STS: variants seen among roughly 807,000 people sequenced by gnomAD.
The protein encoded by STS is steryl-sulfatase.
A neutral mutation model predicts 26.8 loss-of-function variants in STS; 7 were observed. That is an observed-to-expected ratio of 0.26 (90% CI 0.15 to 0.49). The LOEUF (loss-of-function observed/expected upper bound fraction) is 0.49. STS is among the 20% of genes least tolerant of loss of function. The probability of loss-of-function intolerance (pLI) is 0.98; values close to 1 mark genes in which losing one functional copy is unlikely to be tolerated. For synonymous variants in STS, 199 were observed against 189.4 expected (o/e 1.05, Z -0.42); for missense variants, 434 against 465.6 (o/e 0.93, Z 0.63).
intron 10 of STS, among the ~76,000 whole-genome samples, 192 bp from the exon 11 acceptor site, chrX:7,349,696 C>T (rs1425517470): frequency 9.0e-6 from 1 of 111,556 alleles, no homozygotes; most frequent in African/African-American, 3.3e-5. Flanking sequence ...GCTGTTCCTG[C>T]TGGCTGTGTG....
chrX:7,169,990 AG>A (rs1933435274), intron 1 of STS, among the ~76,000 whole-genome samples: 1 of 111,394 alleles, frequency 9.0e-6, no homozygotes, highest in South Asian at 3.8e-4. Flanking sequence ...CCTTGTAAAC[AG>A]TGAAGAGAAT....
intron 1 of STS, among the ~76,000 whole-genome samples, chrX:7,151,545 T>C (rs1933011893): frequency 8.9e-6 from 1 of 112,264 alleles, no homozygotes; most frequent in Non-Finnish European, 1.9e-5. Context: ...CCCTTCCCGC[T>C]GCTGCTTTCC....
chrX:7,223,420 A>G (rs1017980463), intron 2 of STS, among the ~76,000 whole-genome samples: 2 of 111,914 alleles, frequency 1.8e-5, no homozygotes, highest in Admixed American at 1.9e-4. Context: ...TTGTTTTTAG[A>G]CTTTTTAATA....
chrX:7,179,764 G>A (rs1270942938), intron 1 of STS, among the ~76,000 whole-genome samples: 2 of 112,008 alleles, frequency 1.8e-5, no homozygotes, highest in Admixed American at 1.9e-4. Context: ...AGGGGCAGAG[G>A]GTGCGGGTGG....
intron 1 of STS, among the ~76,000 whole-genome samples, chrX:7,161,022 C>T (rs1407273722): frequency 9.0e-6 from 1 of 111,556 alleles, no homozygotes; most frequent in Non-Finnish European, 1.9e-5. Flanking sequence ...GTGGTGCGAT[C>T]TCAGCTTACC....
intron 2 of STS, among the ~76,000 whole-genome samples, chrX:7,244,810 C>CT (rs1922789339): frequency 9.0e-6 from 1 of 111,221 alleles, no homozygotes; most frequent in African/African-American, 3.3e-5. Flanking sequence ...CTGAGAAACA[C>CT]TATTAACAAA....
rs539416857 is a variant in STS, at chrX:7,165,717, A to G, written c.-134+17634A>G. ...CTTAATCAGGATTCTCTGCCTTGAT[A>G]CTATTGACATTTGAGGCCAGATCAT... On this transcript the variant is annotated intron_variant, in intron 1 of 10. Transcript: ENST00000674429. Among the ~76,000 whole-genome samples the G allele has an allele frequency of 6.8e-4, 76 of 112,326 alleles. No individual in the cohort carries two copies. The South Asian group carries it at 0.01, about 15-fold the overall frequency.
chrX:7,286,163 G>A (rs2147118569), intron 7 of STS, among the ~76,000 whole-genome samples: 1 of 111,625 alleles, frequency 9.0e-6, no homozygotes, highest in South Asian at 3.7e-4. Flanking sequence ...GTTTACACAT[G>A]ATATTTTACA....
intron 2 of STS, among the ~76,000 whole-genome samples, chrX:7,205,147 T>G (rs1934182668): frequency 8.9e-6 from 1 of 112,209 alleles, no homozygotes; most frequent in Admixed American, 9.4e-5. Flanking sequence ...TTTGGGCAAT[T>G]GCACAATCAT....
At chrX:7,224,076 T>C (rs746520698) in intron 2 of STS, among the ~76,000 whole-genome samples, 5 of 111,339 alleles carry the variant, frequency 4.5e-5, no homozygotes, top group Admixed American at 9.6e-5. Flanking sequence ...CTTTTAAAAA[T>C]GGAGATAATG....
chrX:7,298,254 T>C (rs1427937510), intron 7 of STS, among the ~76,000 whole-genome samples: 1 of 111,702 alleles, frequency 9.0e-6, no homozygotes, highest in Non-Finnish European at 1.9e-5. Context: ...CTTTATGCCT[T>C]TTTATTTTGG....
chrX:7,337,200 A>G (rs756737793), intron 10 of STS, among the ~76,000 whole-genome samples: 1 of 112,121 alleles, frequency 8.9e-6, no homozygotes, highest in Non-Finnish European at 1.9e-5. Context: ...CTTCATGTTT[A>G]GTCATTTTGT....
At chrX:7,323,311 C>G (rs918129508) in intron 8 of STS, among the ~76,000 whole-genome samples, 3 of 109,661 alleles carry the variant, frequency 2.7e-5, no homozygotes, top group Non-Finnish European at 5.7e-5. Flanking sequence ...GTTTGGGGTT[C>G]TAATGATCCT....
rs1569202129 is a variant in STS, at chrX:7,253,238, A to G, written c.39A>G (p.Glu13=). The G allele has an allele frequency of 8.3e-7, 1 of 1,211,244 alleles. No individual in the cohort carries two copies. Among genetic ancestry groups the G allele is most frequent in the Non-Finnish European group, 1.1e-6 (1 of 895,225 alleles). ...IPFLLLFFLW[E]AESHAASRPN... ...TCCTCCTACTGTTCTTTCTGTGGGA[A>G]GCCGAGAGCCACGCAGCATCAAGGC... is the stretch of plus-strand genomic sequence containing the variant. Residue 13 remains glutamate, a synonymous_variant, in exon 3 of 11, where the codon GAA becomes GAG. Transcript: ENST00000674429.
chrX:7,217,548 T>C (rs1921359728), intron 2 of STS, among the ~76,000 whole-genome samples: 1 of 112,051 alleles, frequency 8.9e-6, no homozygotes, highest in Non-Finnish European at 1.9e-5. Context: ...TGCCTTTTTA[T>C]TAAAATTGCT....
Position 7,259,727 on chromosome X carries a change from A to G in STS, c.761A>G (p.Asn254Ser), listed in dbSNP as rs371828426. The change falls in exon 6 of 11, where the codon AAT (asparagine) becomes AGT (serine). Residue 254 changes from asparagine (N) to serine (S), a missense_variant. Physicochemically the swap from Asn to Ser is conservative, Grantham distance 46. Around this residue, in one of 2 missense-constraint regions of STS, gnomAD observed 229 missense variants for 288.3 expected, o/e 0.79. Coordinates refer to ENST00000674429, the MANE Select transcript of STS (RefSeq NM_001320752.2). ...ATTCAGCAGCCCATGTCCTATGACA[A>G]TCTCACCCAGAGGCTAACGGTGGAG... The part of the protein sequence containing the change: ...EIIQQPMSYD[N>S]LTQRLTVEAA... The G allele has an allele frequency of 4.4e-5, 53 of 1,209,296 alleles. No individual in the cohort carries two copies. Among genetic ancestry groups the G allele is most frequent in the East Asian group, 8.9e-5 (3 of 33,733 alleles).
chrX:7,256,421 G>A (rs749282359), intron 3 of STS, among the ~76,000 whole-genome samples: 18 of 111,649 alleles, frequency 1.6e-4, no homozygotes, highest in Admixed American at 5.7e-4. Flanking sequence ...TCCCTGGAGC[G>A]TATTAACCCA....
At chrX:7,276,159 T>C in intron 7 of STS, 72 bp downstream of exon 7, 1 of 1,169,877 alleles carries the variant, frequency 8.5e-7, no homozygotes, top group Non-Finnish European at 1.2e-6. Flanking sequence ...TTCCTGTGTA[T>C]TTCTATCTTT....
chrX:7,210,904 G>GT (rs1275606433), intron 2 of STS, among the ~76,000 whole-genome samples: 2 of 110,542 alleles, frequency 1.8e-5, no homozygotes, highest in East Asian at 5.6e-4. Flanking sequence ...ATGACATTTT[G>GT]TTTTTTATAT....
Sources: gnomAD v4.1 joint callset for allele counts (sites outside exome capture counted in the v4.1 genomes callset) on GRCh38, gnomAD v4.1.1 for gene constraint, gnomAD v4.1.1 regional missense constraint, MANE v1.5 for transcripts, NCBI Gene and HGNC (gene_info 2026-07-23, HGNC 2026-07-21) for gene names.